Variants in FAT4 observed in about 807,000 individuals in gnomAD.
FAT4 encodes the protein FAT atypical cadherin 4.
A neutral mutation model predicts 303.9 loss-of-function variants in FAT4; 84 were observed. The observed-to-expected ratio is 0.28, with a 90% CI of 0.23 to 0.33. The LOEUF is 0.33. FAT4 is among the 10% of genes least tolerant of loss of function. FAT4 has a pLI of 1.00. For missense variants in FAT4, 6,005 were observed against 6,146.8 expected (o/e 0.98, Z 0.77); for synonymous variants, 2,307 against 2,298.8 (o/e 1.00, Z -0.10).
intron 16 of FAT4, among the ~76,000 whole-genome samples, chr4:125,486,956 T>C (rs1398131149): frequency 2.0e-5 from 3 of 152,192 alleles, no homozygotes; most frequent in African/African-American, 7.2e-5. Context: ...TTTTTAGTAC[T>C]ATGGGCCTTT....
At chr4:125,379,891 T>A (rs1000394710) in intron 2 of FAT4, among the ~76,000 whole-genome samples, 5 of 152,040 alleles carry the variant, frequency 3.3e-5, no homozygotes, top group African/African-American at 4.8e-5. Context: ...TTTATGGAGT[T>A]CACTCTTTTG....
intron 4 of FAT4, 139 bp from the exon 5 acceptor site, chr4:125,408,305 A>G: frequency 3.6e-6 from 2 of 555,496 alleles, no homozygotes; most frequent in East Asian, 6.0e-5. Context: ...GCAGAATGTT[A>G]TGTTCACTGT....
intron 2 of FAT4, among the ~76,000 whole-genome samples, chr4:125,356,053 G>C (rs17009521): frequency 6.6e-6 from 1 of 151,912 alleles, no homozygotes; most frequent in Non-Finnish European, 1.5e-5. Flanking sequence ...TGAGTGGAAG[G>C]CTGGTAAAAG....
intron 2 of FAT4, among the ~76,000 whole-genome samples, chr4:125,341,433 C>T (rs1731790258): frequency 6.6e-6 from 1 of 151,974 alleles, no homozygotes; most frequent in African/African-American, 2.4e-5. Flanking sequence ...ATAGAGACCT[C>T]AAGTGTTTCT....
chr4:125,476,151 T>G lies in FAT4; in HGVS notation c.12214-20T>G, dbSNP rs187675282. ...GACGGTAGAACTCAAAGTTGAATGT[T>G]TCTTTCTCTTGCTTCGTAGGCAGCC... is the stretch of plus-strand genomic sequence containing the variant. On this transcript the variant is annotated intron_variant, in intron 12 of 17. Coordinates refer to ENST00000394329, the MANE Select transcript of FAT4 (RefSeq NM_001291303.3). 8.4e-5 allele frequency: 129 copies of G among 1,531,714 alleles called. No individual in the cohort carries two copies. The East Asian group carries it at 2.9e-3, about 35-fold the overall frequency. 94.9% of individuals were successfully genotyped at this position (1,531,714 alleles called of 1,614,324 possible). A position where few individuals can be genotyped will look rare whatever the true frequency, so the allele number is the denominator to read the frequency against.
intron 2 of FAT4, among the ~76,000 whole-genome samples, chr4:125,375,240 G>C (rs1358667785): frequency 6.6e-6 from 1 of 152,166 alleles, no homozygotes; most frequent in Non-Finnish European, 1.5e-5. Context: ...ACTCTAAATT[G>C]TAAGTAAGAA....
intron 10 of FAT4, among the ~76,000 whole-genome samples, chr4:125,460,138 G>A (rs1202256861): frequency 6.6e-6 from 1 of 151,846 alleles, no homozygotes; most frequent in Non-Finnish European, 1.5e-5. Flanking sequence ...TTCATGAATT[G>A]TAAAAAATTT....
intron 2 of FAT4, among the ~76,000 whole-genome samples, chr4:125,352,690 C>T (rs1001663639): frequency 4.0e-5 from 6 of 151,764 alleles, no homozygotes; most frequent in African/African-American, 9.7e-5. Flanking sequence ...CAGATTGCTT[C>T]CCCATATGTG....
rs758141491 is a variant in FAT4, at chr4:125,463,603, C to T, written c.11841C>T (p.Asn3947=). 6.2e-7 allele frequency: 1 copy of T among 1,600,766 alleles called. No individual in the cohort carries two copies. The highest frequency in any genetic ancestry group is 8.5e-7 in the Non-Finnish European group (1 of 1,171,962). Residue 3947 remains asparagine, a synonymous_variant, in exon 11 of 18, where the codon AAC becomes AAT. Coordinates refer to ENST00000394329, the MANE Select transcript of FAT4 (RefSeq NM_001291303.3). ...CTTCAGTCAATTACTGTGAATGCAA[C>T]CCCTGCTTTAATGGTGGTTCCTGCC... ...CESSVNYCEC[N]PCFNGGSCQS...
chr4:125,316,481 C>A lies in FAT4; in HGVS notation c.70C>A (p.Leu24Ile). Reference protein sequence around the residue: ...LPLHTLSVSQLLRVFWLLSLL... With the variant: ...LPLHTLSVSQILRVFWLLSLL... ...GTTGCACACTCTATCAGTATCTCAG[C>A]TCCTTCGAGTGTTTTGGCTACTGTC... Residue 24 changes from leucine to isoleucine, a missense_variant, in exon 2 of 18, where the codon CTC becomes ATC. By Grantham distance (5) the Leu-to-Ile change is conservative. Coordinates refer to ENST00000394329, the MANE Select transcript of FAT4 (RefSeq NM_001291303.3). This position sits in a 1 kb window ranked among gnomAD's most constrained non-coding sequence, Gnocchi z 5.7. 1 of 1,613,944 alleles carries A rather than the reference C, an allele frequency of 6.2e-7. No homozygotes were observed. The highest frequency in any genetic ancestry group is 8.5e-7 in the Non-Finnish European group (1 of 1,180,040).
At chr4:125,349,453 G>A (rs1732134748) in intron 2 of FAT4, among the ~76,000 whole-genome samples, 1 of 151,630 alleles carries the variant, frequency 6.6e-6, no homozygotes, top group Admixed American at 6.6e-5. Context: ...TTAAATCAGA[G>A]TTGGTAGTTT....
intron 7 of FAT4, among the ~76,000 whole-genome samples, chr4:125,427,813 A>T (rs1481959355): frequency 2.0e-5 from 3 of 152,228 alleles, no homozygotes; most frequent in Non-Finnish European, 4.4e-5. Flanking sequence ...AATTAAGTTA[A>T]GCAGAATTCT....
In FAT4 at chr4:125,451,358, A is replaced by C; in HGVS notation, c.10348A>C (p.Asn3450His). The change falls in exon 10 of 18, where the codon AAT becomes CAT. Residue 3450 changes from asparagine (N) to histidine (H), a missense_variant. Transcript: ENST00000394329. ...GTTTTCTTACTTCATCGGATCAGGG[A>C]ATGAAAATGGTGCCTTTTCTATTAA... ...SRFSYFIGSG[N>H]ENGAFSINPQ... 6.2e-7 allele frequency: 1 copy of C among 1,614,126 alleles called. No individual in the cohort carries two copies. Among genetic ancestry groups the C allele is most frequent in the Non-Finnish European group, 8.5e-7 (1 of 1,180,014 alleles).
At chr4:125,351,628 T>G (rs1732229852) in intron 2 of FAT4, among the ~76,000 whole-genome samples, 1 of 151,890 alleles carries the variant, frequency 6.6e-6, no homozygotes, top group Middle Eastern at 3.4e-3. Context: ...TGTTTCATGA[T>G]AGCTTAGTTT....
intron 7 of FAT4, among the ~76,000 whole-genome samples, chr4:125,431,619 T>C (rs1725286775): frequency 6.6e-6 from 1 of 152,196 alleles, no homozygotes; most frequent in African/African-American, 2.4e-5. Flanking sequence ...CTAAGCACAT[T>C]ACATTTTTCT....
intron 11 of FAT4, 137 bp from the exon 12 acceptor site, chr4:125,468,375 T>A (rs1194993054): frequency 1.9e-6 from 1 of 515,440 alleles, no homozygotes; most frequent in Non-Finnish European, 3.2e-6. Flanking sequence ...TTAATTTTAG[T>A]TTAGATGAAA....
At chr4:125,443,895 T>G (rs1284096040) in intron 8 of FAT4, among the ~76,000 whole-genome samples, 8 of 152,182 alleles carry the variant, frequency 5.3e-5, no homozygotes, top group Admixed American at 2.0e-4. Context: ...CAGAGCTTAT[T>G]GTGTTTCTTC....
intron 2 of FAT4, among the ~76,000 whole-genome samples, chr4:125,348,415 T>G (rs1732088770): frequency 6.6e-6 from 1 of 151,730 alleles, no homozygotes; most frequent in Non-Finnish European, 1.5e-5. Flanking sequence ...GGATCCTTTC[T>G]GATCTCATGT....
intron 3 of FAT4, among the ~76,000 whole-genome samples, chr4:125,401,504 G>A (rs1411060086): frequency 6.6e-6 from 1 of 151,674 alleles, no homozygotes; most frequent in Non-Finnish European, 1.5e-5. Context: ...AGCCAATTGT[G>A]TAGATTTTTA....
Sources: allele counts gnomAD v4.1 joint callset (sites outside exome capture counted in the v4.1 genomes callset), GRCh38; gene constraint gnomAD v4.1.1; non-coding constraint Gnocchi (gnomAD v3.1); transcripts MANE v1.5; gene names NCBI Gene and HGNC (gene_info 2026-07-23, HGNC 2026-07-21).